GOLGA4: variants seen among roughly 807,000 people sequenced by gnomAD.
The protein encoded by GOLGA4 is golgin A4.
GOLGA4 carries 169 observed loss-of-function variants against 265.9 expected under a neutral mutation model. That is an observed-to-expected ratio of 0.64 (90% confidence interval 0.56 to 0.72). The LOEUF (loss-of-function observed/expected upper bound fraction) is 0.72. Ranked by LOEUF, GOLGA4 falls within the 30% of genes least tolerant of loss-of-function variation. The probability of loss-of-function intolerance (pLI) is 0.00; values close to 1 mark genes in which losing one functional copy is unlikely to be tolerated. For synonymous variants in GOLGA4, 923 were observed against 855.8 expected (o/e 1.08, Z -1.37); for missense variants, 2,482 against 2,483.4 (o/e 1.00, Z 0.01).
At chr3:37,330,890 G>A (rs1025913475) in intron 16 of GOLGA4, among the ~76,000 whole-genome samples, 1 of 152,096 alleles carries the variant, frequency 6.6e-6, no homozygotes, top group Non-Finnish European at 1.5e-5. Context: ...TTAGCCAGGT[G>A]TGGTGGCATG....
At chr3:37,281,156 G>T (rs984962699) in intron 2 of GOLGA4, among the ~76,000 whole-genome samples, 5 of 152,092 alleles carry the variant, frequency 3.3e-5, no homozygotes, top group African/African-American at 1.2e-4. Context: ...GTTGAATTAG[G>T]TCATATTATT....
At chr3:37,333,754 T>C (rs1448100612) in intron 16 of GOLGA4, among the ~76,000 whole-genome samples, 1 of 152,178 alleles carries the variant, frequency 6.6e-6, no homozygotes, top group Non-Finnish European at 1.5e-5. Context: ...ATATCTAAGA[T>C]ATCTAAGGAT....
At chr3:37,277,038 TTTAGG>T (rs1384921143) in intron 2 of GOLGA4, among the ~76,000 whole-genome samples, 2 of 152,096 alleles carry the variant, frequency 1.3e-5, no homozygotes, top group African/African-American at 4.8e-5. Flanking sequence ...GTAATATAAT[TTTAGG>T]TTTACCAAAT....
intron 2 of GOLGA4, among the ~76,000 whole-genome samples, chr3:37,279,028 GC>G (rs2096827429): frequency 6.6e-6 from 1 of 152,014 alleles, no homozygotes; most frequent in South Asian, 2.1e-4. Context: ...GTTGAGTTTA[GC>G]AAATTAAAAA....
chr3:37,260,921 A>G (rs952138823), intron 2 of GOLGA4, among the ~76,000 whole-genome samples: 6 of 151,830 alleles, frequency 4.0e-5, no homozygotes, highest in African/African-American at 7.3e-5. Context: ...AATCCCGGCA[A>G]TTTGGGAGGC....
intron 1 of GOLGA4, chr3:37,243,880 C>T (rs1414883840): frequency 3.5e-5 from 18 of 520,472 alleles, no homozygotes; most frequent in Non-Finnish European, 5.1e-5. Flanking sequence ...ATTCCATCTC[C>T]GTTAAGAGTT....
rs1248715372 is a variant in GOLGA4 at position 37,324,410 on chromosome 3, G to T, written c.2524G>T (p.Val842Phe). The stretch of plus-strand genomic sequence containing the variant: ...AGAAAGAATTCTTCTTACCAAACAG[G>T]TTGCTGAAGTTGAAGCACAAAAGAA... ...ETERILLTKQ[V>F]AEVEAQKKDV... Residue 842 changes from valine to phenylalanine, a missense_variant, in exon 14 of 24, where the codon GTT becomes TTT. Val to Phe is a conservative substitution (Grantham distance 50, BLOSUM62 -1). This residue lies in a region of GOLGA4 where 1,536 missense variants were observed against 1,483.7 expected (regional missense o/e 1.04). Coordinates refer to ENST00000361924, the MANE Select transcript of GOLGA4 (RefSeq NM_002078.5). 4 of 1,614,168 alleles carry T rather than the reference G, an allele frequency of 2.5e-6. No individual in the cohort carries two copies. The highest frequency in any genetic ancestry group is 1.3e-5 in the African/African-American group (1 of 75,050).
At chr3:37,295,101 T>A in intron 6 of GOLGA4, 24 bp downstream of exon 6, 1 of 1,291,244 alleles carries the variant, frequency 7.7e-7, no homozygotes, top group Non-Finnish European at 1.1e-6. Flanking sequence ...AGAAAAAGTG[T>A]GGAATTTTTT....
chr3:37,337,178 T>TA lies in GOLGA4; in HGVS notation c.6327+15_6327+16insA. On this transcript the variant is annotated intron_variant, in intron 18 of 23. Coordinates refer to ENST00000361924, the MANE Select transcript of GOLGA4 (RefSeq NM_002078.5). ...TGGAGCTACAGGTAAGGCTAGTTCT[T>TA]CTTTTTTTTTTTTTCTTTTTTTTCT... is the stretch of plus-strand genomic sequence containing the variant. 3 of 1,331,742 alleles carry TA rather than the reference T, an allele frequency of 2.3e-6. No individual in the cohort carries two copies. The highest frequency in any genetic ancestry group is 1.3e-5 in the South Asian group (1 of 78,614). 82.5% of individuals were successfully genotyped at this position (1,331,742 alleles called of 1,614,324 possible). A position where few individuals can be genotyped will look rare whatever the true frequency, so the allele number is the denominator to read the frequency against.
Position 37,347,260 on chromosome 3 carries a change from A to T in GOLGA4, c.6540A>T (p.Lys2180Asn). The T allele has an allele frequency of 2.5e-6, 4 of 1,612,178 alleles. No homozygotes were observed. The highest frequency in any genetic ancestry group is 3.4e-6 in the Non-Finnish European group (4 of 1,178,464). The change falls in exon 21 of 24, where the codon AAA becomes AAT. Residue 2180 changes from lysine to asparagine, a missense_variant. Around this residue, in one of 3 missense-constraint regions of GOLGA4, gnomAD observed 942 missense variants for 983.1 expected, o/e 0.96. Coordinates refer to ENST00000361924, the MANE Select transcript of GOLGA4 (RefSeq NM_002078.5). Reference sequence around the variant, plus strand: ...CTACCGAATTTGAGTATTTGCGAAAAGTGCTTTTTGAGTATATGATGGGTC... The same window carrying T: ...CTACCGAATTTGAGTATTTGCGAAATGTGCTTTTTGAGTATATGATGGGTC... Reference protein sequence around the residue: ...GEPTEFEYLRKVLFEYMMGRE... With the variant: ...GEPTEFEYLRNVLFEYMMGRE...
Position 37,325,338 on chromosome 3 carries a change from CT to C in GOLGA4, c.3456del (p.Leu1153PhefsTer5). The C allele has an allele frequency of 1.9e-6, 3 of 1,612,752 alleles. No homozygotes were observed. The highest frequency in any genetic ancestry group is 1.7e-6 in the Non-Finnish European group (2 of 1,178,874). ...TTGAATAAGTCTCTGAAGGAAAATA[CT>C]TTTCTTCAAGAGCAGCTAGTTGAAC... ...VDLNKSLKEN[T>X]FLQEQLVELK... On this transcript the variant is annotated frameshift_variant, in exon 14 of 24. Coordinates refer to ENST00000361924, the MANE Select transcript of GOLGA4 (RefSeq NM_002078.5). LOFTEE classifies it high-confidence loss of function.
intron 2 of GOLGA4, chr3:37,275,950 T>C (rs1578454244): frequency 6.2e-7 from 1 of 1,613,360 alleles, no homozygotes. Context: ...AGAAAGACCT[T>C]GACGAAAAGA....
At chr3:37,348,221 T>C (rs769562580) in intron 21 of GOLGA4, among the ~76,000 whole-genome samples, 7 of 152,172 alleles carry the variant, frequency 4.6e-5, no homozygotes, top group Admixed American at 4.6e-4. Flanking sequence ...AAAGGAAATA[T>C]CTTAAAAGAA....
At chr3:37,308,054 T>C (rs1480619899) in intron 10 of GOLGA4, among the ~76,000 whole-genome samples, 1 of 151,870 alleles carries the variant, frequency 6.6e-6, no homozygotes, top group South Asian at 2.1e-4. Context: ...GCCAACATGG[T>C]AAACCCCATC....
chr3:37,330,906 G>A (rs1007854462), intron 16 of GOLGA4, among the ~76,000 whole-genome samples: 5 of 151,994 alleles, frequency 3.3e-5, no homozygotes, highest in African/African-American at 7.3e-5. Context: ...GCATGTGCTT[G>A]TAATCCCAGC....
chr3:37,245,643 A>C (rs2096717237), intron 1 of GOLGA4, among the ~76,000 whole-genome samples: 2 of 152,210 alleles, frequency 1.3e-5, no homozygotes, highest in Non-Finnish European at 2.9e-5. Context: ...ACAAACTAAG[A>C]TATAAGAGCT....
At chr3:37,248,903 G>A (rs1362624833) in intron 1 of GOLGA4, among the ~76,000 whole-genome samples, 1 of 152,178 alleles carries the variant, frequency 6.6e-6, no homozygotes, top group African/African-American at 2.4e-5. Flanking sequence ...TATTTGGAAA[G>A]CTGAATTAAT....
intron 2 of GOLGA4, among the ~76,000 whole-genome samples, chr3:37,260,036 A>C (rs2096764981): frequency 6.6e-6 from 1 of 151,874 alleles, no homozygotes; most frequent in Admixed American, 6.6e-5. Context: ...TGTAGAGTAT[A>C]TTATCACAGG....
intron 22 of GOLGA4, among the ~76,000 whole-genome samples, chr3:37,360,127 C>T (rs761880087): frequency 1.3e-5 from 2 of 152,230 alleles, no homozygotes; most frequent in Non-Finnish European, 2.9e-5. Context: ...TATAGTTACT[C>T]CTTTATCATT....
Sources: allele counts gnomAD v4.1 joint callset (sites outside exome capture counted in the v4.1 genomes callset), GRCh38; gene constraint gnomAD v4.1.1; regional missense constraint gnomAD v4.1.1; transcripts MANE v1.5; gene names NCBI Gene and HGNC (gene_info 2026-07-23, HGNC 2026-07-21).